HEATR4: variants seen among roughly 807,000 people sequenced by gnomAD.
HEATR4 encodes the protein HEAT repeat-containing protein 4.
HEATR4 carries 95 observed loss-of-function variants against 108.8 expected under a neutral mutation model. The observed-to-expected ratio is 0.87, with a 90% CI of 0.74 to 1.04. HEATR4 has a LOEUF of 1.04. HEATR4 is among the 50% of genes least tolerant of loss of function. HEATR4 has a pLI of 0.00. For synonymous variants in HEATR4, 443 were observed against 459.4 expected, an observed-to-expected ratio of 0.96 and a Z score of 0.46; for missense variants, 1,152 against 1,253.8, an observed-to-expected ratio of 0.92 and a Z score of 1.23.
chr14:73,508,751 CAAAAAAAAAA>C (rs770608293), intron 8 of HEATR4, among the ~76,000 whole-genome samples: 1 of 57,882 alleles, frequency 1.7e-5, no homozygotes, highest in Non-Finnish European at 3.2e-5. Flanking sequence ...AACTCTGTCT[CAAAAAAAAAA>C]AAAAAAAAAA....
intron 4 of HEATR4, among the ~76,000 whole-genome samples, chr14:73,519,621 G>A (rs1394878523): frequency 2.0e-5 from 3 of 152,162 alleles, no homozygotes; most frequent in Admixed American, 2.0e-4. Flanking sequence ...TACTCGGGAG[G>A]CTGAGGCAGG....
At chr14:73,614,377 G>A in the HEATR4 span, among the ~76,000 whole-genome samples, 1 of 152,200 alleles carries the variant, frequency 6.6e-6, no homozygotes, top group Non-Finnish European at 1.5e-5. Context: ...GCTGGAATTG[G>A]GTCTTACAGA....
chr14:73,583,673 G>A, the HEATR4 span, among the ~76,000 whole-genome samples: 2 of 151,954 alleles, frequency 1.3e-5, no homozygotes, highest in Non-Finnish European at 2.9e-5. Context: ...CAGGTGCCAG[G>A]GAGAAGCAAC....
the HEATR4 span, chr14:73,612,940 G>A: frequency 7.6e-7 from 1 of 1,308,962 alleles, no homozygotes; most frequent in Non-Finnish European, 1.0e-6. Context: ...TGTGCCTGGC[G>A]CAGAACAAGC....
the HEATR4 span, among the ~76,000 whole-genome samples, chr14:73,605,247 T>A: frequency 6.6e-6 from 1 of 152,174 alleles, no homozygotes; most frequent in Non-Finnish European, 1.5e-5. Context: ...TCCTTTTAAA[T>A]GTCTTATTAC....
upstream of HEATR4, among the ~76,000 whole-genome samples, chr14:73,561,296 G>T (rs1162595276): frequency 1.3e-5 from 2 of 151,790 alleles, no homozygotes; most frequent in Non-Finnish European, 2.9e-5. Context: ...AACCCAGGAG[G>T]CAGAGGTTGC....
In HEATR4 at chr14:73,521,010, G is replaced by C; in HGVS notation, c.911C>G (p.Thr304Arg). The C allele has an allele frequency of 1.9e-6, 3 of 1,613,652 alleles. No homozygotes were observed. The highest frequency in any genetic ancestry group is 2.5e-6 in the Non-Finnish European group (3 of 1,179,978). Reference sequence around the variant, plus strand: ...CTTGTTGCCAGGCATGATCTCAACTGTCTCTGCTTGTTGGAAGTAACTGGG... The same window carrying C: ...CTTGTTGCCAGGCATGATCTCAACTCTCTCTGCTTGTTGGAAGTAACTGGG... ...RLPSYFQQAETVEIMPGNKST... is the reference protein window; with the variant it reads ...RLPSYFQQAERVEIMPGNKST... The change falls in exon 4 of 18, where the codon ACA becomes AGA. Residue 304 changes from threonine (T) to arginine (R), a missense_variant. Physicochemically the swap from Thr to Arg is moderately conservative, Grantham distance 71. Transcript: ENST00000553558.
At chr14:73,590,168 G>C in the HEATR4 span, among the ~76,000 whole-genome samples, 1 of 152,172 alleles carries the variant, frequency 6.6e-6, no homozygotes, top group African/African-American at 2.4e-5. Flanking sequence ...ACATCCTGCT[G>C]ATTGGCCCAT....
intron 5 of HEATR4, among the ~76,000 whole-genome samples, chr14:73,516,895 C>T (rs965203364): frequency 4.6e-5 from 7 of 152,194 alleles, no homozygotes; most frequent in Non-Finnish European, 7.4e-5. Flanking sequence ...ATCCCCACCC[C>T]GCTGGTCTGT....
chr14:73,615,243 C>T, the HEATR4 span, among the ~76,000 whole-genome samples: 572 of 150,650 alleles, frequency 3.8e-3, 8 homozygotes, highest in Admixed American at 0.026. Flanking sequence ...AAAAATTAGC[C>T]GGGCATGGTG....
In HEATR4 at chr14:73,519,084, C is replaced by G; in HGVS notation, c.1149G>C (p.Gln383His). Reference protein sequence around the residue: ...VLENLNRYNKQLSKVFPETPE... With the variant: ...VLENLNRYNKHLSKVFPETPE... ...GAGTTTCAGGGAAGACCTTAGATAG[C>G]TGCTTGTTGTACCGATTTAGGTTTT... Residue 383 changes from glutamine (Q) to histidine (H), a missense_variant, in exon 5 of 18, where the codon CAG (glutamine) becomes CAC (histidine). Coordinates refer to ENST00000553558, the MANE Select transcript of HEATR4 (RefSeq NM_001220484.1). The G allele has an allele frequency of 6.2e-7, 1 of 1,614,088 alleles. No individual in the cohort carries two copies. The highest frequency in any genetic ancestry group is 1.6e-4 in the Middle Eastern group (1 of 6,062).
intron 1 of HEATR4, among the ~76,000 whole-genome samples, chr14:73,540,150 AG>A (rs1889025925): frequency 8.5e-6 from 1 of 118,088 alleles, no homozygotes; most frequent in South Asian, 2.6e-4. Context: ...TGCTAGAAGG[AG>A]TCAACATATT....
the HEATR4 span, among the ~76,000 whole-genome samples, chr14:73,577,182 T>G: frequency 2.0e-5 from 3 of 151,832 alleles, no homozygotes; most frequent in Admixed American, 1.3e-4. Context: ...TCCTCCTGCC[T>G]CAGCCTCCCA....
the HEATR4 span, among the ~76,000 whole-genome samples, chr14:73,576,300 T>TA: frequency 1.3e-5 from 2 of 152,192 alleles, no homozygotes; most frequent in South Asian, 4.2e-4. Flanking sequence ...GATTACTAGT[T>TA]AGATATAAAA....
chr14:73,594,116 T>C, the HEATR4 span, among the ~76,000 whole-genome samples: 1 of 152,252 alleles, frequency 6.6e-6, no homozygotes, highest in East Asian at 1.9e-4. Flanking sequence ...TTTTATTTAG[T>C]AATATTAAAT....
intron 2 of HEATR4, among the ~76,000 whole-genome samples, chr14:73,528,121 G>A (rs1595143307): frequency 1.3e-5 from 2 of 151,230 alleles, no homozygotes; most frequent in East Asian, 2.0e-4. Context: ...GAGGCTATGC[G>A]CGGTGGCTCA....
chr14:73,573,587 C>T, the HEATR4 span: 18 of 1,613,458 alleles, frequency 1.1e-5, no homozygotes, highest in African/African-American at 1.1e-4. Flanking sequence ...TCAGTCATCC[C>T]GAGGTTAGTT....
At chr14:73,540,152 T>C (rs1185846547) in intron 1 of HEATR4, among the ~76,000 whole-genome samples, 1 of 11,458 alleles carries the variant, frequency 8.7e-5, no homozygotes, top group African/African-American at 1.1e-3. Flanking sequence ...CTAGAAGGAG[T>C]CAACATATTC....
the HEATR4 span, among the ~76,000 whole-genome samples, chr14:73,633,313 C>G: frequency 7.2e-5 from 11 of 152,178 alleles, no homozygotes; most frequent in East Asian, 2.1e-3. Flanking sequence ...TCCTGTAGTT[C>G]CACTTTCTGA....
Sources: allele counts gnomAD v4.1 joint callset (sites outside exome capture counted in the v4.1 genomes callset), GRCh38; gene constraint gnomAD v4.1.1; transcripts MANE v1.5; gene names NCBI Gene and HGNC (gene_info 2026-07-23, HGNC 2026-07-21).